PTPDC1: variants seen among roughly 807,000 people sequenced by gnomAD.
PTPDC1 encodes the protein protein tyrosine phosphatase domain containing 1.
In PTPDC1, 53 loss-of-function variants were observed where a neutral mutation model predicts 75.3. The observed-to-expected ratio is 0.70, with a 90% CI of 0.56 to 0.88. The LOEUF is 0.88. PTPDC1 is among the 40% of genes least tolerant of loss of function. PTPDC1 has a pLI of 0.00. For synonymous variants in PTPDC1, 349 were observed against 366.2 expected, an observed-to-expected ratio of 0.95 and a Z score of 0.54; for missense variants, 925 against 998.6, an observed-to-expected ratio of 0.93 and a Z score of 0.99.
intron 2 of PTPDC1, among the ~76,000 whole-genome samples, chr9:94,065,878 A>G (rs985434535): frequency 6.6e-6 from 1 of 152,288 alleles, no homozygotes; most frequent in Middle Eastern, 3.4e-3. Context: ...CTTCCCTTCT[A>G]GATGTCTAGT....
At chr9:94,107,753 C>T in intron 8 of PTPDC1, 75 bp from the exon 9 acceptor site, 1 of 700,260 alleles carries the variant, frequency 1.4e-6, no homozygotes, top group South Asian at 2.7e-5. Flanking sequence ...TTTCTCCACC[C>T]CCTCCTTCTC....
At chr9:94,093,673 G>A (rs1827418430) in intron 4 of PTPDC1, among the ~76,000 whole-genome samples, 1 of 148,714 alleles carries the variant, frequency 6.7e-6, no homozygotes, top group Admixed American at 6.7e-5. Flanking sequence ...ATATCCTGCA[G>A]AGTGTTTTCC....
rs758288663 is a variant in PTPDC1 at position 94,084,511 on chromosome 9, G to A, written c.-20G>A. On this transcript the variant is annotated 5_prime_UTR_variant, in exon 1 of 9. Transcript: ENST00000620992. Reference sequence around the variant, plus strand: ...AGTGGGGCTGACTCTTCCTGCCTCCGGCTCTTGCCTCCCAGTGCCATGCAG... The same window carrying A: ...AGTGGGGCTGACTCTTCCTGCCTCCAGCTCTTGCCTCCCAGTGCCATGCAG... 173 of 1,607,082 alleles carry A rather than the reference G, an allele frequency of 1.1e-4. No homozygotes were observed. Among genetic ancestry groups the A allele is most frequent in the East Asian group, 2.5e-4 (11 of 44,864 alleles).
At chr9:94,083,387 A>C (rs1458238925), upstream of PTPDC1, among the ~76,000 whole-genome samples, 1 of 152,182 alleles carries the variant, frequency 6.6e-6, no homozygotes, top group Non-Finnish European at 1.5e-5. Context: ...CTTATTCGAC[A>C]AAAGTGCACA....
At chr9:94,059,902 T>A (rs954704680) in intron 1 of PTPDC1, among the ~76,000 whole-genome samples, 3 of 152,238 alleles carry the variant, frequency 2.0e-5, no homozygotes, top group Non-Finnish European at 4.4e-5. Flanking sequence ...TTGAGATTGC[T>A]GAAAATGCTA....
intron 2 of PTPDC1, among the ~76,000 whole-genome samples, chr9:94,085,660 A>G (rs1827047383): frequency 6.6e-6 from 1 of 152,238 alleles, no homozygotes; most frequent in African/African-American, 2.4e-5. Context: ...ATTAAGTGAA[A>G]TGATATATAT....
chr9:94,106,082 GA>G, intron 8 of PTPDC1, among the ~76,000 whole-genome samples: 1 of 152,190 alleles, frequency 6.6e-6, no homozygotes, highest in Non-Finnish European at 1.5e-5. Context: ...GAGCTTAACT[GA>G]AAAAAATCCT....
intron 1 of PTPDC1, among the ~76,000 whole-genome samples, chr9:94,060,716 T>C (rs1826101759): frequency 6.6e-6 from 1 of 152,008 alleles, no homozygotes; most frequent in Admixed American, 6.5e-5. Flanking sequence ...CTACACACTT[T>C]TAAACAGCTG....
intron 2 of PTPDC1, among the ~76,000 whole-genome samples, chr9:94,065,907 A>G (rs1050123607): frequency 6.6e-6 from 1 of 152,200 alleles, no homozygotes; most frequent in Non-Finnish European, 1.5e-5. Flanking sequence ...CCCTTCTAGA[A>G]TAATGTTTCT....
intron 7 of PTPDC1, among the ~76,000 whole-genome samples, chr9:94,103,854 A>C (rs1286641180): frequency 6.6e-6 from 1 of 152,090 alleles, no homozygotes; most frequent in Non-Finnish European, 1.5e-5. Context: ...CCTCCATATC[A>C]TATGCAGTGG....
At chr9:94,100,466 T>TA in intron 6 of PTPDC1, 1 of 152,294 alleles carries the variant, frequency 6.6e-6, no homozygotes, top group South Asian at 2.1e-4. Flanking sequence ...GGTGTATTCA[T>TA]AAGATAATAA....
intron 1 of PTPDC1, among the ~76,000 whole-genome samples, chr9:94,060,529 G>A (rs1826095514): frequency 6.6e-6 from 1 of 152,198 alleles, no homozygotes; most frequent in Non-Finnish European, 1.5e-5. Flanking sequence ...AGGAATACCA[G>A]AGACTGAGTA....
chr9:94,047,995 A>T (rs2118439044), intron 1 of PTPDC1, among the ~76,000 whole-genome samples: 1 of 152,314 alleles, frequency 6.6e-6, no homozygotes, highest in East Asian at 1.9e-4. Flanking sequence ...AGGTACAAAG[A>T]GGAGCTGGTA....
intron 4 of PTPDC1, among the ~76,000 whole-genome samples, chr9:94,094,486 C>G (rs1223109032): frequency 6.6e-6 from 1 of 152,178 alleles, no homozygotes; most frequent in Non-Finnish European, 1.5e-5. Context: ...TCAAAGCTGT[C>G]AGACAGGGAC....
chr9:94,093,627 G>A (rs535948758), intron 4 of PTPDC1, among the ~76,000 whole-genome samples: 1 of 151,210 alleles, frequency 6.6e-6, no homozygotes, highest in Non-Finnish European at 1.5e-5. Context: ...CTGAACATTG[G>A]CCTGCCTTGC....
intron 2 of PTPDC1, among the ~76,000 whole-genome samples, chr9:94,076,849 T>C (rs1826711018): frequency 6.6e-6 from 1 of 152,168 alleles, no homozygotes; most frequent in Non-Finnish European, 1.5e-5. Context: ...TACTTATTAT[T>C]GTCGGGCATT....
chr9:94,066,719 G>A (rs1485395970), intron 2 of PTPDC1, among the ~76,000 whole-genome samples: 3 of 151,632 alleles, frequency 2.0e-5, no homozygotes, highest in Admixed American at 1.3e-4. Context: ...CACCACGCCC[G>A]GCTCATTTTT....
At chr9:94,033,726 A>G (rs1829770927) in intron 1 of PTPDC1, among the ~76,000 whole-genome samples, 2 of 152,222 alleles carry the variant, frequency 1.3e-5, no homozygotes, top group Non-Finnish European at 2.9e-5. Context: ...ATGAGTTCCT[A>G]TCCTGCTGTA....
At chr9:94,034,912 G>T (rs1795628338) in intron 1 of PTPDC1, among the ~76,000 whole-genome samples, 1 of 152,040 alleles carries the variant, frequency 6.6e-6, no homozygotes, top group Admixed American at 6.6e-5. Context: ...ACTAAGTCAA[G>T]CTAATTAATA....
Sources: allele counts gnomAD v4.1 joint callset (sites outside exome capture counted in the v4.1 genomes callset), GRCh38; gene constraint gnomAD v4.1.1; transcripts MANE v1.5; gene names NCBI Gene and HGNC (gene_info 2026-07-23, HGNC 2026-07-21).